The following SPATA17 variants were observed in gnomAD, a reference collection of about 807,000 sequenced individuals.
SPATA17 encodes spermatogenesis-associated protein 17.
SPATA17 carries 53 observed loss-of-function variants against 62.2 expected under a neutral mutation model. The ratio of observed to expected loss-of-function variants is 0.85; its 90% CI spans 0.68 to 1.07. The LOEUF is 1.07. SPATA17 is among the 50% of genes least tolerant of loss of function. SPATA17 has a pLI of 0.00. For synonymous variants in SPATA17, 146 were observed against 146.8 expected, an observed-to-expected ratio of 0.99 and a Z score of 0.04; for missense variants, 466 against 425.5, an observed-to-expected ratio of 1.10 and a Z score of -0.84.
intron 8 of SPATA17, among the ~76,000 whole-genome samples, chr1:217,798,646 G>T (rs1674216997): frequency 6.6e-6 from 1 of 152,166 alleles, no homozygotes; most frequent in African/African-American, 2.4e-5. Flanking sequence ...ATCAGCCTTT[G>T]TAATACTGTG....
chr1:217,700,954 T>C (rs566300881), intron 5 of SPATA17, among the ~76,000 whole-genome samples: 34 of 151,422 alleles, frequency 2.2e-4, no homozygotes, highest in Non-Finnish European at 4.4e-4. Flanking sequence ...ATTATATCTT[T>C]GTGTTTTCTG....
intron 7 of SPATA17, among the ~76,000 whole-genome samples, chr1:217,777,478 TACC>T (rs770786051): frequency 2.1e-4 from 32 of 152,230 alleles, no homozygotes; most frequent in South Asian, 4.1e-4. Flanking sequence ...CTCAGCACAC[TACC>T]ACTTCTGCCT....
At chr1:217,647,936 T>A (rs1400435530) in intron 1 of SPATA17, among the ~76,000 whole-genome samples, 1 of 152,092 alleles carries the variant, frequency 6.6e-6, no homozygotes, top group East Asian at 1.9e-4. Flanking sequence ...TTGGCCAGGC[T>A]AGTCTCGAAA....
At chr1:217,826,369 G>T (rs1675002430) in intron 9 of SPATA17, among the ~76,000 whole-genome samples, 1 of 152,078 alleles carries the variant, frequency 6.6e-6, no homozygotes, top group African/African-American at 2.4e-5. Flanking sequence ...GGAGTATAGA[G>T]CTTTATTATA....
chr1:217,735,251 C>A (rs1265095251), intron 5 of SPATA17, among the ~76,000 whole-genome samples: 1 of 152,160 alleles, frequency 6.6e-6, no homozygotes, highest in Non-Finnish European at 1.5e-5. Context: ...ATTTGTTTCT[C>A]ACAGTTCTGG....
intron 5 of SPATA17, among the ~76,000 whole-genome samples, chr1:217,710,594 G>A (rs1360972376): frequency 1.3e-5 from 2 of 151,820 alleles, no homozygotes; most frequent in Non-Finnish European, 2.9e-5. Context: ...AGATTTTTAT[G>A]GATATTATTT....
intron 4 of SPATA17, among the ~76,000 whole-genome samples, chr1:217,672,874 C>T (rs1050499700): frequency 1.3e-5 from 2 of 152,064 alleles, no homozygotes; most frequent in East Asian, 1.9e-4. Context: ...CCCCACCACC[C>T]CCTGCTCCCC....
chr1:217,680,159 C>T (rs1164283965), intron 4 of SPATA17, among the ~76,000 whole-genome samples: 1 of 152,012 alleles, frequency 6.6e-6, no homozygotes, highest in Non-Finnish European at 1.5e-5. Context: ...ACAAGTGTTC[C>T]CTTCATTAAT....
intron 5 of SPATA17, among the ~76,000 whole-genome samples, chr1:217,713,100 C>T (rs1671918143): frequency 6.6e-6 from 1 of 152,186 alleles, no homozygotes; most frequent in Admixed American, 6.5e-5. Flanking sequence ...GTGATACAAT[C>T]TGCAGAGTTC....
At chr1:217,752,068 T>A (rs1021583833) in intron 6 of SPATA17, among the ~76,000 whole-genome samples, 1 of 152,210 alleles carries the variant, frequency 6.6e-6, no homozygotes, top group Non-Finnish European at 1.5e-5. Context: ...ATACAGAGTC[T>A]CGCTCTGTCA....
At chr1:217,843,345 G>A (rs1182305609) in intron 9 of SPATA17, among the ~76,000 whole-genome samples, 1 of 151,862 alleles carries the variant, frequency 6.6e-6, no homozygotes, top group Non-Finnish European at 1.5e-5. Flanking sequence ...GTCCAAGCAC[G>A]GTGGCTCATG....
intron 4 of SPATA17, among the ~76,000 whole-genome samples, chr1:217,672,432 A>G (rs566236845): frequency 1.3e-5 from 2 of 152,184 alleles, no homozygotes; most frequent in Non-Finnish European, 2.9e-5. Flanking sequence ...TGTACAGTAC[A>G]TAAGAACAAA....
At chr1:217,658,650 C>T (rs1372627020) in intron 3 of SPATA17, among the ~76,000 whole-genome samples, 3 of 151,866 alleles carry the variant, frequency 2.0e-5, no homozygotes, top group Non-Finnish European at 4.4e-5. Flanking sequence ...CCTAGCTACT[C>T]GGGAGGCTGA....
rs570757522 is a variant in SPATA17, at chr1:217,862,806, C to T, written c.1038C>T (p.Leu346=). 2 of 1,610,156 alleles carry T rather than the reference C, an allele frequency of 1.2e-6. No homozygotes were observed. Among genetic ancestry groups the T allele is most frequent in the South Asian group, 2.2e-5 (2 of 90,378 alleles). The change falls in exon 10 of 11, where the codon CTC becomes CTT. Residue 346 remains leucine, a synonymous_variant. Transcript: ENST00000366933. ...AGACTGTATTACCATCATTTGAGCT[C>T]TTCTCAAAGTATGGAAAATTATATT... ...DFQTVLPSFE[L]FSKYGKLYSK...
intron 9 of SPATA17, chr1:217,850,755 T>A: frequency 1.5e-6 from 1 of 654,262 alleles, no homozygotes; most frequent in Non-Finnish European, 2.4e-6. Context: ...TTCATACATA[T>A]AGTTTTTATT....
chr1:217,632,236 C>A (rs1403572773), intron 1 of SPATA17, among the ~76,000 whole-genome samples: 1 of 151,804 alleles, frequency 6.6e-6, no homozygotes, highest in African/African-American at 2.4e-5. Context: ...AGTGTCTAAA[C>A]CATTCTGACA....
intron 9 of SPATA17, among the ~76,000 whole-genome samples, chr1:217,811,533 A>G (rs911461359): frequency 2.6e-5 from 4 of 152,008 alleles, no homozygotes; most frequent in African/African-American, 9.7e-5. Flanking sequence ...AAATAAACAA[A>G]CTTACAAAAA....
chr1:217,780,921 A>G (rs1673713980), intron 7 of SPATA17, among the ~76,000 whole-genome samples: 1 of 152,148 alleles, frequency 6.6e-6, no homozygotes, highest in Non-Finnish European at 1.5e-5. Flanking sequence ...TTTAAGTCAT[A>G]GACTCTGTCA....
At chr1:217,736,916 G>A (rs1016266751) in intron 5 of SPATA17, among the ~76,000 whole-genome samples, 76 of 152,258 alleles carry the variant, frequency 5.0e-4, no homozygotes, top group African/African-American at 1.8e-3. Context: ...ATGATCTTAC[G>A]ATCTGGTGAT....
Sources: gnomAD v4.1 joint callset for allele counts (sites outside exome capture counted in the v4.1 genomes callset) on GRCh38, gnomAD v4.1.1 for gene constraint, MANE v1.5 for transcripts, NCBI Gene and HGNC (gene_info 2026-07-23, HGNC 2026-07-21) for gene names.